Variants in NRG1 observed in about 807,000 individuals in gnomAD.
NRG1 encodes the protein neuregulin 1.
NRG1 carries 18 observed loss-of-function variants against 63.8 expected under a neutral mutation model. That is an observed-to-expected ratio of 0.28 (90% CI 0.19 to 0.42). The LOEUF (loss-of-function observed/expected upper bound fraction) is 0.42, where lower values mean the gene tolerates loss of function less well. Ranked by LOEUF, NRG1 falls within the 10% of genes least tolerant of loss-of-function variation. The pLI, the probability that NRG1 is intolerant of heterozygous loss-of-function variation, is 1.00. For synonymous variants in NRG1, 302 were observed against 301.3 expected (o/e 1.00, Z -0.02); for missense variants, 762 against 814.7 (o/e 0.94, Z 0.79).
At chr8:32,363,764 G>A (rs181274910) in intron 1 of NRG1, among the ~76,000 whole-genome samples, 4 of 151,410 alleles carry the variant, frequency 2.6e-5, no homozygotes, top group Non-Finnish European at 2.9e-5. Flanking sequence ...CAGAATAGTC[G>A]AAAACTTTAG....
chr8:32,523,341 T>C (rs1203916944), intron 1 of NRG1, among the ~76,000 whole-genome samples: 1 of 152,196 alleles, frequency 6.6e-6, no homozygotes, highest in Non-Finnish European at 1.5e-5. Context: ...TTTGCAAAAA[T>C]GTAAACCAGT....
chr8:32,361,559 C>T (rs763357608), intron 1 of NRG1, among the ~76,000 whole-genome samples: 125 of 152,140 alleles, frequency 8.2e-4, no homozygotes, highest in Admixed American at 9.2e-4. Context: ...CCCTTCTTGA[C>T]GAATGTTGTC....
chr8:31,976,876 C>T (rs537125238), intron 1 of NRG1, among the ~76,000 whole-genome samples: 85 of 152,230 alleles, frequency 5.6e-4, no homozygotes, highest in African/African-American at 1.7e-3. Context: ...TCAATGAAAA[C>T]GTATAAATGA....
At chr8:31,718,490 A>G (rs190160653) in intron 1 of NRG1, among the ~76,000 whole-genome samples, 2 of 152,342 alleles carry the variant, frequency 1.3e-5, no homozygotes, top group East Asian at 3.9e-4. Context: ...CTCCCAAGTA[A>G]ATCCAGAATG....
At chr8:32,122,799 A>G (rs936523792) in intron 1 of NRG1, among the ~76,000 whole-genome samples, 5 of 143,176 alleles carry the variant, frequency 3.5e-5, no homozygotes, top group African/African-American at 7.7e-5. Context: ...AACAGTCCCC[A>G]GAGTGTGATG....
chr8:31,667,966 G>C (rs1023462079), intron 1 of NRG1, among the ~76,000 whole-genome samples: 5 of 152,072 alleles, frequency 3.3e-5, no homozygotes, highest in African/African-American at 1.2e-4. Context: ...CAGCAATAAA[G>C]ATGTTAGAAA....
At chr8:32,400,671 G>A (rs886227382) in intron 1 of NRG1, among the ~76,000 whole-genome samples, 2 of 152,136 alleles carry the variant, frequency 1.3e-5, no homozygotes, top group Non-Finnish European at 2.9e-5. Context: ...TAAAGGGAAC[G>A]CTCATACACT....
intron 1 of NRG1, among the ~76,000 whole-genome samples, chr8:31,648,783 A>C (rs1422149147): frequency 6.6e-6 from 1 of 152,076 alleles, no homozygotes; most frequent in East Asian, 1.9e-4. Flanking sequence ...TAAATAACAC[A>C]TTTTGTTTAT....
At chr8:31,681,940 C>T (rs890975128) in intron 1 of NRG1, among the ~76,000 whole-genome samples, 3 of 152,068 alleles carry the variant, frequency 2.0e-5, no homozygotes, top group Admixed American at 2.0e-4. Context: ...ATTAATGAAC[C>T]TATGCTGCTG....
chr8:32,358,652 G>A (rs1806799276), intron 1 of NRG1, among the ~76,000 whole-genome samples: 1 of 152,148 alleles, frequency 6.6e-6, no homozygotes, highest in Non-Finnish European at 1.5e-5. Flanking sequence ...CCATTTTGCA[G>A]AGACTTATAG....
At chr8:32,321,554 G>A (rs1274446298) in intron 1 of NRG1, among the ~76,000 whole-genome samples, 1 of 146,990 alleles carries the variant, frequency 6.8e-6, no homozygotes, top group Non-Finnish European at 1.5e-5. Flanking sequence ...CACATCCCCT[G>A]ATAATGATTT....
intron 1 of NRG1, among the ~76,000 whole-genome samples, chr8:31,774,518 A>G (rs1340298271): frequency 6.6e-6 from 1 of 152,174 alleles, no homozygotes; most frequent in African/African-American, 2.4e-5. Flanking sequence ...GTGAAAGAGA[A>G]TAGAGGTATC....
intron 1 of NRG1, among the ~76,000 whole-genome samples, chr8:32,447,891 C>A (rs117929068): frequency 6.6e-6 from 1 of 151,322 alleles, no homozygotes; most frequent in East Asian, 1.9e-4. Flanking sequence ...TTTTCTATAA[C>A]GGATTGCATG....
intron 1 of NRG1, among the ~76,000 whole-genome samples, chr8:32,093,233 T>TTAGGG (rs1294337650): frequency 1.3e-5 from 2 of 152,112 alleles, no homozygotes; most frequent in Non-Finnish European, 2.9e-5. Context: ...TTTAATGGAT[T>TTAGGG]TAGGGCTATG....
intron 5 of NRG1, among the ~76,000 whole-genome samples, chr8:32,639,617 A>T (rs1851953222): frequency 6.6e-6 from 1 of 152,142 alleles, no homozygotes; most frequent in African/African-American, 2.4e-5. Flanking sequence ...GTATAATCTC[A>T]TGCTCAACTG....
At chr8:32,093,109 G>A (rs988181456) in intron 1 of NRG1, among the ~76,000 whole-genome samples, 2 of 152,198 alleles carry the variant, frequency 1.3e-5, no homozygotes, top group East Asian at 3.9e-4. Context: ...GTAGACGTGA[G>A]AGACTCCATT....
chr8:31,808,776 C>A (rs962739421), intron 1 of NRG1, among the ~76,000 whole-genome samples: 4 of 152,198 alleles, frequency 2.6e-5, no homozygotes, highest in African/African-American at 9.6e-5. Flanking sequence ...TTTAAATAAT[C>A]AGATATTAAA....
At chr8:32,237,339 G>C (rs1425522596) in intron 1 of NRG1, among the ~76,000 whole-genome samples, 1 of 152,086 alleles carries the variant, frequency 6.6e-6, no homozygotes, top group Non-Finnish European at 1.5e-5. Flanking sequence ...TTTTGTGTTA[G>C]CCCTGCATTG....
intron 1 of NRG1, among the ~76,000 whole-genome samples, chr8:31,928,098 G>T (rs574568209): frequency 8.6e-5 from 13 of 151,126 alleles, no homozygotes; most frequent in African/African-American, 3.1e-4. Flanking sequence ...ATAGCAAAAG[G>T]TGTGCTCTTT....
Sources: allele counts gnomAD v4.1 joint callset (sites outside exome capture counted in the v4.1 genomes callset), GRCh38; gene constraint gnomAD v4.1.1; transcripts MANE v1.5; gene names NCBI Gene and HGNC (gene_info 2026-07-23, HGNC 2026-07-21).